Variants in ROR2 observed in about 807,000 individuals in gnomAD.
ROR2 encodes tyrosine-protein kinase transmembrane receptor ROR2.
In ROR2, 33 loss-of-function variants were observed where a neutral mutation model predicts 74.9. The ratio of observed to expected loss-of-function variants is 0.44; its 90% CI spans 0.33 to 0.59. The LOEUF is 0.59. Among genes scored for constraint, ROR2 ranks in the 20% least tolerant of loss-of-function variants. The pLI, the probability that ROR2 is intolerant of heterozygous loss-of-function variation, is 0.02. For synonymous variants in ROR2, 586 were observed against 558.7 expected, an observed-to-expected ratio of 1.05 and a Z score of -0.69; for missense variants, 1,216 against 1,313.8, an observed-to-expected ratio of 0.93 and a Z score of 1.15.
At chr9:91,734,974 C>T (rs1824973545) in intron 5 of ROR2, among the ~76,000 whole-genome samples, 1 of 152,038 alleles carries the variant, frequency 6.6e-6, no homozygotes, top group Non-Finnish European at 1.5e-5. Context: ...CAACCCTGTT[C>T]AATCCCATCA....
At chr9:91,934,824 GACGT>G (rs1320843918) in intron 1 of ROR2, among the ~76,000 whole-genome samples, 1 of 152,132 alleles carries the variant, frequency 6.6e-6, no homozygotes, top group Non-Finnish European at 1.5e-5. Flanking sequence ...TCACTAATTA[GACGT>G]AATTGTGTCA....
At chr9:91,820,332 C>T (rs940673763) in intron 1 of ROR2, among the ~76,000 whole-genome samples, 7 of 152,110 alleles carry the variant, frequency 4.6e-5, no homozygotes, top group South Asian at 2.1e-4. Flanking sequence ...ACAAGTCAGC[C>T]GGGAATCTGA....
chr9:91,900,892 G>A (rs1830661573), intron 1 of ROR2, among the ~76,000 whole-genome samples: 1 of 152,236 alleles, frequency 6.6e-6, no homozygotes, highest in Non-Finnish European at 1.5e-5. Flanking sequence ...AGAGCAACTA[G>A]GAAGCAAAGT....
chr9:91,775,530 G>T (rs1185050039), intron 2 of ROR2, among the ~76,000 whole-genome samples: 1 of 152,168 alleles, frequency 6.6e-6, no homozygotes, highest in Non-Finnish European at 1.5e-5. Context: ...CTCCCTGCGT[G>T]TCACCTCCCA....
At chr9:91,941,463 T>C (rs1049157591) in intron 1 of ROR2, among the ~76,000 whole-genome samples, 2 of 152,192 alleles carry the variant, frequency 1.3e-5, no homozygotes, top group Admixed American at 6.5e-5. Context: ...CAAGCCCCTT[T>C]ATCCTTTAAC....
intron 1 of ROR2, among the ~76,000 whole-genome samples, chr9:91,842,349 C>G (rs892546413): frequency 1.3e-5 from 2 of 152,194 alleles, no homozygotes; most frequent in African/African-American, 2.4e-5. Flanking sequence ...ATGCCAGGTG[C>G]CATGCATGTG....
chr9:91,808,093 A>G (rs895780302), intron 1 of ROR2, among the ~76,000 whole-genome samples: 4 of 149,974 alleles, frequency 2.7e-5, no homozygotes, highest in African/African-American at 1.0e-4. Flanking sequence ...TATAAACACT[A>G]AGCGGAATGC....
chr9:91,769,259 A>T (rs1826152669), intron 2 of ROR2, among the ~76,000 whole-genome samples: 1 of 152,064 alleles, frequency 6.6e-6, no homozygotes, highest in Non-Finnish European at 1.5e-5. Flanking sequence ...GTGGATGTGG[A>T]CACTGGACAC....
intron 1 of ROR2, among the ~76,000 whole-genome samples, chr9:91,852,378 T>C (rs768319392): frequency 2.0e-5 from 3 of 152,234 alleles, no homozygotes; most frequent in Non-Finnish European, 4.4e-5. Flanking sequence ...AATAAACTCA[T>C]GTGGCTCTTT....
In ROR2 at chr9:91,723,795, G is replaced by T; in HGVS notation, c.2699C>A (p.Ala900Asp). The T allele has an allele frequency of 1.2e-6, 2 of 1,613,848 alleles. No homozygotes were observed. Among genetic ancestry groups the T allele is most frequent in the Non-Finnish European group, 8.5e-7 (1 of 1,180,034 alleles). The change falls in exon 9 of 9, where the codon GCC (alanine) becomes GAC (aspartate). Residue 900 changes from alanine to aspartate, a missense_variant. By Grantham distance (126) the Ala-to-Asp change is moderately radical (BLOSUM62 -2). Coordinates refer to ENST00000375708, the MANE Select transcript of ROR2 (RefSeq NM_004560.4). Reference protein sequence around the residue: ...LSEGADDTQNAPEDGAQSTVQ... With the variant: ...LSEGADDTQNDPEDGAQSTVQ... ...GGTGCTCTGGGCCCCATCTTCTGGG[G>T]CGTTCTGTGTGTCATCAGCGCCCTC...
intron 4 of ROR2, among the ~76,000 whole-genome samples, chr9:91,740,940 C>T (rs891911681): frequency 2.6e-5 from 4 of 152,046 alleles, no homozygotes; most frequent in East Asian, 1.9e-4. Context: ...CAAGGCCTGA[C>T]GGGACATGGA....
At position 91,785,487 on chromosome 9, in the gene ROR2, G is replaced by T. The variant is rs78211124; in HGVS notation, c.98-9669C>A. On this transcript the variant is annotated intron_variant, in intron 1 of 8. Coordinates refer to ENST00000375708, the MANE Select transcript of ROR2 (RefSeq NM_004560.4). Reference sequence around the variant, plus strand: ...AAACTCCAGAGTCTAGGTGATGGTGGTCTGTCCCACCCCTGGAATAGAGCC... The same window carrying T: ...AAACTCCAGAGTCTAGGTGATGGTGTTCTGTCCCACCCCTGGAATAGAGCC... Among the ~76,000 whole-genome samples the T allele has an allele frequency of 1.5e-3, 228 of 152,364 alleles. 2 individuals are homozygous for T. The highest frequency in any genetic ancestry group is 5.2e-3 in the African/African-American group (215 of 41,582).
rs1228372139 is a variant in ROR2 at position 91,934,834 on chromosome 9, T to TGTCA, written c.97+15029_97+15032dup. On this transcript the variant is annotated intron_variant, in intron 1 of 8. Coordinates refer to ENST00000375708, the MANE Select transcript of ROR2 (RefSeq NM_004560.4). ...ACACTTCACTAATTAGACGTAATTGTGTCAGAGCTCTGCCTTGCAAAACAA... is the reference window on the plus strand; with the variant it reads ...ACACTTCACTAATTAGACGTAATTGTGTCAGTCAGAGCTCTGCCTTGCAAAACAA... Among the ~76,000 whole-genome samples the TGTCA allele has an allele frequency of 4.6e-5, 7 of 152,202 alleles. No individual in the cohort carries two copies. In the East Asian group the frequency reaches 1.3e-3, roughly 29 times the overall value.
At position 91,801,610 on chromosome 9, in the gene ROR2, G is replaced by A. The variant is rs528315388; in HGVS notation, c.98-25792C>T. On this transcript the variant is annotated intron_variant, in intron 1 of 8. Transcript: ENST00000375708. ...CTCCCAAAGTGCTAGGATTACCGGC[G>A]TGAGCCACAGCTCCTGGCCTGCATG... Among the ~76,000 whole-genome samples the A allele has an allele frequency of 5.3e-5, 8 of 152,276 alleles. No homozygotes were observed. The East Asian group carries it at 1.2e-3, about 22-fold the overall frequency.
chr9:91,929,735 A>C (rs1165753430), intron 1 of ROR2, among the ~76,000 whole-genome samples: 1 of 152,116 alleles, frequency 6.6e-6, no homozygotes, highest in East Asian at 1.9e-4. Context: ...ACCACCCAGA[A>C]AGGTCAAACA....
At chr9:91,810,908 T>TAAGCCCC (rs945416330) in intron 1 of ROR2, among the ~76,000 whole-genome samples, 1 of 152,252 alleles carries the variant, frequency 6.6e-6, no homozygotes, top group Non-Finnish European at 1.5e-5. Flanking sequence ...GGCTAGGACC[T>TAAGCCCC]AAGCCCCACC....
intron 1 of ROR2, among the ~76,000 whole-genome samples, chr9:91,922,516 T>C (rs987383384): frequency 1.3e-5 from 2 of 152,046 alleles, no homozygotes; most frequent in Non-Finnish European, 2.9e-5. Context: ...TGCAGTGGCA[T>C]GATCTCAGCT....
chr9:91,823,262 G>A lies in ROR2; in HGVS notation c.98-47444C>T, dbSNP rs892809861. Among the ~76,000 whole-genome samples the A allele has an allele frequency of 2.7e-4, 41 of 152,098 alleles. 1 individual carries two copies. The highest frequency in any genetic ancestry group is 8.8e-5 in the Non-Finnish European group (6 of 68,018). On this transcript the variant is annotated intron_variant, in intron 1 of 8. Transcript: ENST00000375708. Reference sequence around the variant, plus strand: ...ATGGAGAATGACAGTTTTTCTTAGAGGAGATGGATGCTCACATATTTGGGG... The same window carrying A: ...ATGGAGAATGACAGTTTTTCTTAGAAGAGATGGATGCTCACATATTTGGGG...
Position 91,723,379 on chromosome 9 carries a change from A to G in ROR2, c.*283T>C. ...GGCATTTGCTGCTCACTACCAGTCTACCACCAGAATCAATGTATACAGCCC... is the reference window on the plus strand; with the variant it reads ...GGCATTTGCTGCTCACTACCAGTCTGCCACCAGAATCAATGTATACAGCCC... On this transcript the variant is annotated 3_prime_UTR_variant, in exon 9 of 9. Coordinates refer to ENST00000375708, the MANE Select transcript of ROR2 (RefSeq NM_004560.4). 1 of 453,092 alleles carries G rather than the reference A, an allele frequency of 2.2e-6. No homozygotes were observed. The allele number at this position is 453,092 out of a possible 1,614,324, so 28.1% of individuals were successfully genotyped here.
Sources: allele counts gnomAD v4.1 joint callset (sites outside exome capture counted in the v4.1 genomes callset), GRCh38; gene constraint gnomAD v4.1.1; transcripts MANE v1.5; gene names NCBI Gene and HGNC (gene_info 2026-07-23, HGNC 2026-07-21).